Variants in ZBTB8A observed in about 807,000 individuals in gnomAD.
ZBTB8A encodes the protein zinc finger and BTB domain containing 8A.
In ZBTB8A, 19 loss-of-function variants were observed where a neutral mutation model predicts 37.8. That is an observed-to-expected ratio of 0.50 (90% CI 0.35 to 0.74). ZBTB8A has a LOEUF of 0.74. Ranked by LOEUF, ZBTB8A falls within the 30% of genes least tolerant of loss-of-function variation. The probability of loss-of-function intolerance (pLI) is 0.01; values close to 1 mark genes in which losing one functional copy is unlikely to be tolerated. For missense variants in ZBTB8A, 394 were observed against 537.8 expected, an observed-to-expected ratio of 0.73 and a Z score of 2.65; for synonymous variants, 181 against 185.2, an observed-to-expected ratio of 0.98 and a Z score of 0.19.
chr1:32,555,865 T>C (rs1644197683), intron 2 of ZBTB8A, among the ~76,000 whole-genome samples: 1 of 152,102 alleles, frequency 6.6e-6, no homozygotes, highest in Non-Finnish European at 1.5e-5. Flanking sequence ...CTCTGGACTC[T>C]GGACTTCCCA....
At chr1:32,558,276 C>T (rs1193633326) in intron 2 of ZBTB8A, among the ~76,000 whole-genome samples, 1 of 151,946 alleles carries the variant, frequency 6.6e-6, no homozygotes, top group Admixed American at 6.6e-5. Flanking sequence ...TAAATGCTAC[C>T]AATCATTTAT....
chr1:32,594,550 C>G (rs948125290), intron 3 of ZBTB8A, among the ~76,000 whole-genome samples: 3 of 152,010 alleles, frequency 2.0e-5, no homozygotes, highest in Admixed American at 2.0e-4. Context: ...ATCATGAGGT[C>G]AGGAGTTCAA....
intron 1 of ZBTB8A, among the ~76,000 whole-genome samples, chr1:32,552,684 C>T (rs892713672): frequency 1.3e-5 from 2 of 150,358 alleles, no homozygotes; most frequent in African/African-American, 2.4e-5. Flanking sequence ...CAAAACGAAA[C>T]GAAAAAAAGG....
intron 1 of ZBTB8A, among the ~76,000 whole-genome samples, chr1:32,546,456 AAAT>A (rs1362713170): frequency 1.6e-5 from 2 of 128,656 alleles, no homozygotes; most frequent in African/African-American, 6.3e-5. Flanking sequence ...AAAAAAAAAT[AAAT>A]AAATAAATAA....
intron 2 of ZBTB8A, among the ~76,000 whole-genome samples, chr1:32,560,615 C>CTTTTTTTTTTTTTTTTTT (rs1170510859): frequency 8.8e-5 from 8 of 90,794 alleles, no homozygotes; most frequent in Admixed American, 1.4e-4. Context: ...TCTTTTCTTT[C>CTTTTTTTTTTTTTTTTTT]TTTTTTTTTT....
chr1:32,561,579 G>GT (rs1332716504), intron 2 of ZBTB8A, among the ~76,000 whole-genome samples: 1 of 151,564 alleles, frequency 6.6e-6, no homozygotes, highest in Non-Finnish European at 1.5e-5. Flanking sequence ...TTTTGTTTTT[G>GT]TTTTTTTGAG....
chr1:32,604,257 T>C lies in ZBTB8A; in HGVS notation c.*3838T>C, dbSNP rs954699666. ...GAAACAAAATGGACTAGACCTGCAGTTTAAAATAATTTAACCCGAGAAACT... is the reference window on the plus strand; with the variant it reads ...GAAACAAAATGGACTAGACCTGCAGCTTAAAATAATTTAACCCGAGAAACT... On this transcript the variant is annotated 3_prime_UTR_variant, in exon 5 of 5. Transcript: ENST00000373510. The C allele has an allele frequency of 6.6e-6, 1 of 152,164 alleles. No homozygotes were observed. The highest frequency in any genetic ancestry group is 6.5e-5 in the Admixed American group (1 of 15,268). The allele number at this position is 152,164 out of a possible 1,614,324, so 9.4% of individuals were successfully genotyped here.
At chr1:32,547,828 C>CAAAAAAAAAAAAAAAAAAAAAAAAAAA (rs1194254576) in intron 1 of ZBTB8A, among the ~76,000 whole-genome samples, 4 of 30,470 alleles carry the variant, frequency 1.3e-4, no homozygotes, top group Non-Finnish European at 1.8e-4. Flanking sequence ...ACAAACAAAG[C>CAAAAAAAAAAAAAAAAAAAAAAAAAAA]AAAAAAAAAA....
At chr1:32,579,219 C>T (rs377706368) in intron 2 of ZBTB8A, among the ~76,000 whole-genome samples, 12 of 152,048 alleles carry the variant, frequency 7.9e-5, no homozygotes, top group East Asian at 1.9e-4. Context: ...GAGGCTGAGG[C>T]GGATGGATCA....
chr1:32,573,231 C>T lies in ZBTB8A; in HGVS notation c.-2+19691C>T, dbSNP rs61267185. On this transcript the variant is annotated intron_variant, in intron 2 of 4. Transcript: ENST00000373510. ...GATTACAGGTGCGTGCCACCACACC[C>T]GGCTAATTTTTTTTTTTTTTTTTTA... Among the ~76,000 whole-genome samples, 666 of 150,056 alleles carry T rather than the reference C, an allele frequency of 4.4e-3. 8 individuals carry two copies. Among genetic ancestry groups the T allele is most frequent in the East Asian group, 0.043 (220 of 5,128 alleles).
chr1:32,591,241 CTG>C (rs146478805), intron 2 of ZBTB8A, among the ~76,000 whole-genome samples: 12,064 of 151,660 alleles, frequency 0.08, 537 homozygotes, highest in African/African-American at 0.12. Context: ...GAGTCTCTCT[CTG>C]TGGCCCAGAC....
chr1:32,573,365 C>T (rs535967311), intron 2 of ZBTB8A, among the ~76,000 whole-genome samples: 39 of 151,036 alleles, frequency 2.6e-4, no homozygotes, highest in African/African-American at 8.3e-4. Context: ...TGAGCCACCG[C>T]GCCTGGCCCT....
At chr1:32,560,615 CTTTTTTT>C (rs1170510859) in intron 2 of ZBTB8A, among the ~76,000 whole-genome samples, 85 of 90,792 alleles carry the variant, frequency 9.4e-4, no homozygotes, top group South Asian at 2.5e-3. Flanking sequence ...TCTTTTCTTT[CTTTTTTT>C]TTTTTTTTTT....
chr1:32,548,162 A>G (rs1644121864), intron 1 of ZBTB8A, among the ~76,000 whole-genome samples: 1 of 147,508 alleles, frequency 6.8e-6, no homozygotes, highest in South Asian at 2.2e-4. Flanking sequence ...AAAAAAAAAA[A>G]GAATAATCCT....
intron 2 of ZBTB8A, among the ~76,000 whole-genome samples, chr1:32,592,704 G>A (rs532681854): frequency 6.6e-6 from 1 of 151,990 alleles, no homozygotes; most frequent in African/African-American, 2.4e-5. Flanking sequence ...ACAGGGTTTC[G>A]CCATGTTGTC....
rs1644571439 is a variant in ZBTB8A at position 32,600,979 on chromosome 1, A to G, written c.*560A>G. On this transcript the variant is annotated 3_prime_UTR_variant, in exon 5 of 5. Coordinates refer to ENST00000373510, the MANE Select transcript of ZBTB8A (RefSeq NM_001040441.3). Reference sequence around the variant, plus strand: ...ATCCTGAACGTTTAAGGATTATGGAAGAAGACTAAAGTGTTTGAAATCATT... The same window carrying G: ...ATCCTGAACGTTTAAGGATTATGGAGGAAGACTAAAGTGTTTGAAATCATT... The G allele has an allele frequency of 6.6e-6, 1 of 152,304 alleles. No homozygotes were observed. Among genetic ancestry groups the G allele is most frequent in the African/African-American group, 2.4e-5 (1 of 41,446 alleles). The allele number at this position is 152,304 out of a possible 1,614,324, so 9.4% of individuals were successfully genotyped here. A position where few individuals can be genotyped will look rare whatever the true frequency, so the allele number is the denominator to read the frequency against.
chr1:32,551,558 A>G (rs1644156045), intron 1 of ZBTB8A, among the ~76,000 whole-genome samples: 1 of 152,092 alleles, frequency 6.6e-6, no homozygotes, highest in Non-Finnish European at 1.5e-5. Flanking sequence ...TACTAAAAAT[A>G]CAAAATGAGC....
intron 2 of ZBTB8A, 24 bp from the exon 3 acceptor site, chr1:32,592,907 C>G: frequency 6.4e-7 from 1 of 1,554,020 alleles, no homozygotes; most frequent in Non-Finnish European, 8.7e-7. Flanking sequence ...GTTTTGGTAA[C>G]CACATGTGTC....
chr1:32,553,048 C>T (rs147281683), intron 1 of ZBTB8A, among the ~76,000 whole-genome samples: 2 of 151,054 alleles, frequency 1.3e-5, no homozygotes, highest in Non-Finnish European at 1.5e-5. Flanking sequence ...TTGTATCTGA[C>T]AGAGGCTCTT....
Sources: gnomAD v4.1 joint callset for allele counts (sites outside exome capture counted in the v4.1 genomes callset) on GRCh38, gnomAD v4.1.1 for gene constraint, MANE v1.5 for transcripts, NCBI Gene and HGNC (gene_info 2026-07-23, HGNC 2026-07-21) for gene names.